The following MTDH variants were observed in gnomAD, a reference collection of about 807,000 sequenced individuals.
MTDH encodes protein LYRIC.
MTDH carries 34 observed loss-of-function variants against 72.7 expected under a neutral mutation model. The ratio of observed to expected loss-of-function variants is 0.47; its 90% CI spans 0.36 to 0.62. MTDH has a LOEUF of 0.62. MTDH is among the 20% of genes least tolerant of loss of function. The pLI is 0.00. For missense variants in MTDH, 677 were observed against 699.4 expected (o/e 0.97, Z 0.36); for synonymous variants, 266 against 268.9 (o/e 0.99, Z 0.10).
chr8:97,676,516 C>T (rs934782596), intron 2 of MTDH, among the ~76,000 whole-genome samples: 3 of 152,208 alleles, frequency 2.0e-5, no homozygotes, highest in African/African-American at 7.2e-5. Context: ...TTGCTGCCAA[C>T]ATGTACTTTT....
intron 2 of MTDH, among the ~76,000 whole-genome samples, chr8:97,682,962 A>G (rs896982837): frequency 2.7e-5 from 4 of 150,644 alleles, no homozygotes; most frequent in African/African-American, 9.7e-5. Context: ...AGACTAAATA[A>G]GAGGTTATTT....
intron 7 of MTDH, among the ~76,000 whole-genome samples, chr8:97,700,201 A>G (rs1045135076): frequency 6.6e-6 from 1 of 152,172 alleles, no homozygotes; most frequent in East Asian, 1.9e-4. Flanking sequence ...TGAAGTATAC[A>G]CACATTTTTG....
intron 2 of MTDH, among the ~76,000 whole-genome samples, chr8:97,671,898 A>G (rs1000436069): frequency 6.6e-6 from 1 of 152,182 alleles, no homozygotes. Context: ...TAGGAATCTA[A>G]AAGAGTATCG....
intron 7 of MTDH, 58 bp downstream of exon 7, chr8:97,699,910 T>A: frequency 9.3e-7 from 1 of 1,070,860 alleles, no homozygotes; most frequent in South Asian, 1.4e-5. Context: ...TCTAGCACCC[T>A]GAATTCATGC....
At chr8:97,713,849 A>G (rs1165738940) in intron 9 of MTDH, 80 bp downstream of exon 9, 5 of 737,654 alleles carry the variant, frequency 6.8e-6, no homozygotes, top group Non-Finnish European at 1.0e-5. Context: ...TGTTAAAAAT[A>G]CATAGAGATA....
intron 9 of MTDH, among the ~76,000 whole-genome samples, chr8:97,716,158 G>A (rs962435347): frequency 6.6e-6 from 1 of 152,156 alleles, no homozygotes; most frequent in Non-Finnish European, 1.5e-5. Context: ...AGGCCACGGC[G>A]GGTGGATCAC....
intron 2 of MTDH, among the ~76,000 whole-genome samples, 153 bp downstream of exon 2, chr8:97,661,326 G>A (rs1354124030): frequency 6.6e-6 from 1 of 152,150 alleles, no homozygotes; most frequent in African/African-American, 2.4e-5. Flanking sequence ...GGTGGTAAAA[G>A]TTTAACTGAG....
intron 2 of MTDH, among the ~76,000 whole-genome samples, chr8:97,678,364 A>G (rs372316653): frequency 3.3e-5 from 5 of 152,230 alleles, no homozygotes; most frequent in Admixed American, 6.6e-5. Context: ...CTAGAAAACT[A>G]TGATGACAAA....
In MTDH at chr8:97,664,108, C is replaced by T. The variant is rs537373243; in HGVS notation, c.483+2935C>T. Among the ~76,000 whole-genome samples, 16 of 152,274 alleles carry T rather than the reference C, an allele frequency of 1.1e-4. 1 individual carries two copies. The South Asian group carries it at 3.3e-3, about 32-fold the overall frequency. ...CAATGGCTCAAGCCTGTAATCCCAG[C>T]ACTTTGGGAGGCTGAGGCAGGCAGA... On this transcript the variant is annotated intron_variant, in intron 2 of 11. Transcript: ENST00000336273.
intron 2 of MTDH, among the ~76,000 whole-genome samples, chr8:97,682,281 T>A (rs1813167043): frequency 4.2e-4 from 1 of 2,362 alleles, no homozygotes; most frequent in Non-Finnish European, 7.9e-4. Context: ...TATATATATA[T>A]TTTTTTTTTT....
At chr8:97,708,114 C>T (rs1030361407) in intron 8 of MTDH, among the ~76,000 whole-genome samples, 3 of 151,124 alleles carry the variant, frequency 2.0e-5, no homozygotes, top group Non-Finnish European at 4.4e-5. Flanking sequence ...ATTACAGGCA[C>T]CTGCCACCAT....
chr8:97,707,449 CTTTTTTTTTTTT>C (rs35528230), intron 8 of MTDH, among the ~76,000 whole-genome samples: 2 of 80,206 alleles, frequency 2.5e-5, no homozygotes, highest in African/African-American at 1.3e-4. Context: ...CATGCCTGGC[CTTTTTTTTTTTT>C]TTTTTTTTTT....
chr8:97,709,664 A>G (rs1814539665), intron 8 of MTDH, among the ~76,000 whole-genome samples: 1 of 152,222 alleles, frequency 6.6e-6, no homozygotes, highest in Non-Finnish European at 1.5e-5. Flanking sequence ...AAAAGATAGA[A>G]TATGTCATTT....
Position 97,666,271 on chromosome 8 carries a change from C to T in MTDH, c.483+5098C>T, listed in dbSNP as rs565342078. ...AGCGATATCCACTAAACCCTGATATCATTTATTACAAGTATTAATAAGGTC... is the reference window on the plus strand; with the variant it reads ...AGCGATATCCACTAAACCCTGATATTATTTATTACAAGTATTAATAAGGTC... On this transcript the variant is annotated intron_variant, in intron 2 of 11. Transcript: ENST00000336273. Among the ~76,000 whole-genome samples, 6 of 152,296 alleles carry T rather than the reference C, an allele frequency of 3.9e-5. No homozygotes were observed. The South Asian group carries it at 1.0e-3, about 26-fold the overall frequency.
intron 7 of MTDH, among the ~76,000 whole-genome samples, chr8:97,704,412 A>T (rs1814262160): frequency 6.6e-6 from 1 of 152,172 alleles, no homozygotes; most frequent in Admixed American, 6.6e-5. Context: ...TTATTATTCC[A>T]ACCTGGGCAA....
chr8:97,681,046 G>A (rs1373300198), intron 2 of MTDH, among the ~76,000 whole-genome samples: 2 of 151,992 alleles, frequency 1.3e-5, no homozygotes, highest in Non-Finnish European at 2.9e-5. Context: ...TGAGATGCAA[G>A]ATTATATGTA....
chr8:97,693,727 A>G lies in MTDH; in HGVS notation c.1048+2539A>G, dbSNP rs1227377664. Among the ~76,000 whole-genome samples the G allele has an allele frequency of 1.3e-4, 19 of 149,862 alleles. 1 individual carries two copies. Among genetic ancestry groups the G allele is most frequent in the Admixed American group, 1.3e-3 (19 of 15,046 alleles). ...GTTTTTTTGTTTTGTTTTGTTTTTAATTTTTTGAGACAGGGTCGTACTCTG... is the reference window on the plus strand; with the variant it reads ...GTTTTTTTGTTTTGTTTTGTTTTTAGTTTTTTGAGACAGGGTCGTACTCTG... On this transcript the variant is annotated intron_variant, in intron 6 of 11. Coordinates refer to ENST00000336273, the MANE Select transcript of MTDH (RefSeq NM_178812.4).
chr8:97,645,667 G>A (rs1165008722), intron 1 of MTDH, among the ~76,000 whole-genome samples: 1 of 152,160 alleles, frequency 6.6e-6, no homozygotes, highest in East Asian at 1.9e-4. Context: ...TTCAGGCACC[G>A]ATTTACTGGG....
chr8:97,675,821 G>A (rs981270420), intron 2 of MTDH, among the ~76,000 whole-genome samples: 6 of 151,748 alleles, frequency 4.0e-5, no homozygotes, highest in African/African-American at 7.3e-5. Context: ...GCAGTGAGCC[G>A]AGATCATGCC....
Sources: allele counts gnomAD v4.1 joint callset (sites outside exome capture counted in the v4.1 genomes callset), GRCh38; gene constraint gnomAD v4.1.1; transcripts MANE v1.5; gene names NCBI Gene and HGNC (gene_info 2026-07-23, HGNC 2026-07-21).